Variants in JHY observed in about 807,000 individuals in gnomAD.
JHY encodes junctional cadherin complex regulator.
In JHY, 69 loss-of-function variants were observed where a neutral mutation model predicts 78.0. The ratio of observed to expected loss-of-function variants is 0.88; its 90% CI spans 0.73 to 1.08. JHY has a LOEUF of 1.08. Among genes scored for constraint, JHY ranks in the 50% least tolerant of loss-of-function variants. The probability of loss-of-function intolerance (pLI) is 0.00; values close to 1 mark genes in which losing one functional copy is unlikely to be tolerated. For missense variants in JHY, 944 were observed against 927.8 expected (o/e 1.02, Z -0.23); for synonymous variants, 368 against 342.6 (o/e 1.07, Z -0.82).
At chr11:122,957,544 CT>C in intron 8 of JHY, 53 bp downstream of exon 8, 2 of 834,452 alleles carry the variant, frequency 2.4e-6, no homozygotes, top group Non-Finnish European at 3.4e-6. Context: ...TAAAAGGAAA[CT>C]TTTATTATCG....
At position 122,883,028 on chromosome 11, in the gene JHY, C is replaced by A. The variant is rs1862414616; in HGVS notation, c.-90+56C>A. 1 of 152,856 alleles carries A rather than the reference C, an allele frequency of 6.5e-6. No individual in the cohort carries two copies. Among genetic ancestry groups the A allele is most frequent in the Admixed American group, 6.6e-5 (1 of 15,264 alleles). 9.5% of individuals were successfully genotyped at this position (152,856 alleles called of 1,614,324 possible). On this transcript the variant is annotated intron_variant, in intron 1 of 8. Transcript: ENST00000227349. The surrounding 1 kb of genome is among the most constrained non-coding windows in gnomAD (Gnocchi z 4.4). ...TGGGCGGCGCGCCCGGGGAGGGAAA[C>A]GGGAAGGGCTTACTGGGGATGGGGA...
chr11:122,886,365 A>AT (rs1037100074), intron 2 of JHY, among the ~76,000 whole-genome samples, 172 bp downstream of exon 2: 5 of 152,012 alleles, frequency 3.3e-5, no homozygotes, highest in African/African-American at 9.7e-5. Context: ...CCATATTCAG[A>AT]TTTTTTTTAA....
chr11:122,959,500 A>G lies in JHY; in HGVS notation c.*55A>G, dbSNP rs1864265485. The G allele has an allele frequency of 6.6e-7, 1 of 1,516,148 alleles. No individual in the cohort carries two copies. Among genetic ancestry groups the G allele is most frequent in the Non-Finnish European group, 9.1e-7 (1 of 1,099,264 alleles). 93.9% of individuals were successfully genotyped at this position (1,516,148 alleles called of 1,614,324 possible). A position where few individuals can be genotyped will look rare whatever the true frequency, so the allele number is the denominator to read the frequency against. ...TGGTCCAGGAATGAACGTGGAGAAA[A>G]GAAACGCCAACCACCTTCTCTGCGT... On this transcript the variant is annotated 3_prime_UTR_variant, in exon 9 of 9. Coordinates refer to ENST00000227349, the MANE Select transcript of JHY (RefSeq NM_024806.4).
chr11:122,946,370 TA>T (rs1436175447), intron 5 of JHY, 127 bp from the exon 6 acceptor site: 1 of 1,008,528 alleles, frequency 9.9e-7, no homozygotes, highest in Non-Finnish European at 1.4e-6. Context: ...AAGATTAAGC[TA>T]AAGGTCATTA....
Position 122,934,725 on chromosome 11 carries a change from G to A in JHY, c.1284G>A (p.Arg428=), listed in dbSNP as rs1037600690. The stretch of plus-strand genomic sequence containing the variant: ...CTAACAATGATGTACAAGCCTCAAG[G>A]GCACTTAGAAGCCACAATCTCAAAG... The part of the protein sequence containing the change: ...HASNNDVQAS[R]ALRSHNLKET... The change falls in exon 5 of 9, where the codon AGG becomes AGA. Residue 428 remains arginine (R), a synonymous_variant. Transcript: ENST00000227349. 1 of 1,613,974 alleles carries A rather than the reference G, an allele frequency of 6.2e-7. No homozygotes were observed. Among genetic ancestry groups the A allele is most frequent in the African/African-American group, 1.3e-5 (1 of 74,906 alleles).
At position 122,943,922 on chromosome 11, in the gene JHY, T is replaced by C. The variant is rs564116865; in HGVS notation, c.1635-2576T>C. 5.3e-5 allele frequency among the ~76,000 whole-genome samples: 8 copies of C among 152,276 alleles called. No individual in the cohort carries two copies. The East Asian group carries it at 9.7e-4, about 18-fold the overall frequency. On this transcript the variant is annotated intron_variant, in intron 5 of 8. Coordinates refer to ENST00000227349, the MANE Select transcript of JHY (RefSeq NM_024806.4). ...ACTTTTAACTAGTGACTTAAAACTATAGGCCAGGTGCAGTGGCTCACACCT... is the reference window on the plus strand; with the variant it reads ...ACTTTTAACTAGTGACTTAAAACTACAGGCCAGGTGCAGTGGCTCACACCT...
In JHY at chr11:122,957,950, G is replaced by A. The variant is rs116456312; in HGVS notation, c.2139+459G>A. On this transcript the variant is annotated intron_variant, in intron 8 of 8. Coordinates refer to ENST00000227349, the MANE Select transcript of JHY (RefSeq NM_024806.4). ...TAAATAATAATGTGATTTCTTAAATGAGCAAGCTTCATCATCAATTTTATT... is the reference window on the plus strand; with the variant it reads ...TAAATAATAATGTGATTTCTTAAATAAGCAAGCTTCATCATCAATTTTATT... Among the ~76,000 whole-genome samples the A allele has an allele frequency of 6.0e-3, 919 of 152,192 alleles. 12 individuals are homozygous for A. The highest frequency in any genetic ancestry group is 0.021 in the African/African-American group (890 of 41,512).
intron 2 of JHY, among the ~76,000 whole-genome samples, chr11:122,895,981 C>T (rs1862732605): frequency 6.6e-6 from 1 of 152,070 alleles, no homozygotes; most frequent in African/African-American, 2.4e-5. Context: ...TGTTTTCCAT[C>T]CAGAAAGGAG....
chr11:122,945,259 T>A (rs1863941189), intron 5 of JHY, among the ~76,000 whole-genome samples: 1 of 152,234 alleles, frequency 6.6e-6, no homozygotes, highest in South Asian at 2.1e-4. Flanking sequence ...GTGTCCAACA[T>A]ATGCTCTTTA....
chr11:122,905,257 A>C lies in JHY; in HGVS notation c.864+813A>C, dbSNP rs1322689647. ...ACTTAGTTCCATTTCACAGGTGCAC[A>C]TAAAGACCTTCCTGCCCACCTCCTA... On this transcript the variant is annotated intron_variant, in intron 3 of 8. Coordinates refer to ENST00000227349, the MANE Select transcript of JHY (RefSeq NM_024806.4). 33 of 1,613,880 alleles carry C rather than the reference A, an allele frequency of 2.0e-5. No homozygotes were observed. The Admixed American group carries it at 5.5e-4, about 27-fold the overall frequency.
At chr11:122,936,497 TG>T (rs1863759393) in intron 5 of JHY, among the ~76,000 whole-genome samples, 1 of 152,158 alleles carries the variant, frequency 6.6e-6, no homozygotes, top group African/African-American at 2.4e-5. Context: ...ATTTAGTTTT[TG>T]GTAGATAGAT....
intron 5 of JHY, among the ~76,000 whole-genome samples, chr11:122,938,379 A>C (rs899789003): frequency 3.4e-5 from 5 of 147,510 alleles, no homozygotes; most frequent in African/African-American, 1.3e-4. Context: ...TACTGCTATC[A>C]TGTTTGTTAA....
At chr11:122,921,216 C>T (rs887713620) in intron 3 of JHY, among the ~76,000 whole-genome samples, 4 of 152,128 alleles carry the variant, frequency 2.6e-5, no homozygotes, top group African/African-American at 9.7e-5. Context: ...AAGCGTGGGA[C>T]ACTGTATTTT....
chr11:122,957,634 A>G (rs3751046), intron 8 of JHY, 143 bp downstream of exon 8: 112,189 of 853,356 alleles, frequency 0.13, 9,504 homozygotes, highest in African/African-American at 0.22. Flanking sequence ...GGCTCAAGCT[A>G]TCCTCCAAAC....
At chr11:122,905,422 T>C (rs1862967460) in intron 3 of JHY, 1 of 1,420,450 alleles carries the variant, frequency 7.0e-7, no homozygotes, top group Non-Finnish European at 9.2e-7. Context: ...ATGTTAAATG[T>C]GGTTGCCCTT....
intron 4 of JHY, among the ~76,000 whole-genome samples, chr11:122,929,233 G>GTT (rs1191384205): frequency 1.6e-4 from 21 of 130,590 alleles, no homozygotes; most frequent in African/African-American, 5.2e-4. Context: ...GGCCAAGGTT[G>GTT]TTTTTTGTTT....
intron 6 of JHY, among the ~76,000 whole-genome samples, chr11:122,955,518 A>G (rs192051394): frequency 2.6e-5 from 4 of 152,268 alleles, no homozygotes; most frequent in African/African-American, 9.6e-5. Flanking sequence ...TTTCCTGCCT[A>G]TTATTGTGCT....
intron 2 of JHY, among the ~76,000 whole-genome samples, chr11:122,903,041 C>T (rs1164079525): frequency 6.6e-6 from 1 of 152,202 alleles, no homozygotes; most frequent in East Asian, 1.9e-4. Context: ...ATACCAGCAG[C>T]ACCACAAACA....
rs1215378206 is a variant in JHY at position 122,959,336 on chromosome 11, C to G, written c.2228C>G (p.Ala743Gly). The G allele has an allele frequency of 1.2e-6, 2 of 1,614,034 alleles. No homozygotes were observed. The highest frequency in any genetic ancestry group is 2.2e-5 in the South Asian group (2 of 91,088). ...AAGGAACAAAAAAATCCAACCTATGCTGGGAAAGAAGAAAGTTTACCTGAA... is the reference window on the plus strand; with the variant it reads ...AAGGAACAAAAAAATCCAACCTATGGTGGGAAAGAAGAAAGTTTACCTGAA... Reference protein sequence around the residue: ...ASKEQKNPTYAGKEESLPEIS... With the variant: ...ASKEQKNPTYGGKEESLPEIS... Residue 743 changes from alanine to glycine, a missense_variant, in exon 9 of 9, where the codon GCT becomes GGT. By Grantham distance (60) the Ala-to-Gly change is moderately conservative. Transcript: ENST00000227349.
Sources: gnomAD v4.1 joint callset for allele counts (sites outside exome capture counted in the v4.1 genomes callset) on GRCh38, gnomAD v4.1.1 for gene constraint, Gnocchi (gnomAD v3.1) non-coding constraint, MANE v1.5 for transcripts, NCBI Gene and HGNC (gene_info 2026-07-23, HGNC 2026-07-21) for gene names.